TRPC6: variants seen among roughly 807,000 people sequenced by gnomAD.
TRPC6 encodes the protein short transient receptor potential channel 6.
In TRPC6, 55 loss-of-function variants were observed where a neutral mutation model predicts 90.7. The observed-to-expected ratio is 0.61, with a 90% CI of 0.49 to 0.76. TRPC6 has a LOEUF of 0.76. Among genes scored for constraint, TRPC6 ranks in the 30% least tolerant of loss-of-function variants. The pLI is 0.00. For synonymous variants in TRPC6, 393 were observed against 393.0 expected (o/e 1.00, Z 0.00); for missense variants, 989 against 1,122.7 (o/e 0.88, Z 1.70).
chr11:101,521,635 T>C (rs1478279630), intron 1 of TRPC6, among the ~76,000 whole-genome samples: 1 of 152,156 alleles, frequency 6.6e-6, no homozygotes, highest in African/African-American at 2.4e-5. Flanking sequence ...CCATTGACAG[T>C]TTGCACTGTG....
At chr11:101,486,348 C>A (rs906775767) in intron 4 of TRPC6, among the ~76,000 whole-genome samples, 11 of 151,940 alleles carry the variant, frequency 7.2e-5, no homozygotes, top group Non-Finnish European at 1.6e-4. Flanking sequence ...AGGAGGAGAG[C>A]TAGATGAAGA....
intron 10 of TRPC6, among the ~76,000 whole-genome samples, chr11:101,461,093 T>C (rs1165801766): frequency 5.3e-5 from 8 of 152,216 alleles, no homozygotes; most frequent in Admixed American, 2.6e-4. Context: ...TTAAAAATGA[T>C]TGGGACCACA....
Position 101,452,934 on chromosome 11 carries a change from A to G in TRPC6, c.*21T>C. 1 of 1,613,276 alleles carries G rather than the reference A, an allele frequency of 6.2e-7. No individual in the cohort carries two copies. The highest frequency in any genetic ancestry group is 8.5e-7 in the Non-Finnish European group (1 of 1,179,396). On this transcript the variant is annotated 3_prime_UTR_variant, in exon 13 of 13. Coordinates refer to ENST00000344327, the MANE Select transcript of TRPC6 (RefSeq NM_004621.6). Reference sequence around the variant, plus strand: ...GCTTCAAGTGGACAAATAAATATGAATTTCTAAGGAAGTCTTCGCATTATC... The same window carrying G: ...GCTTCAAGTGGACAAATAAATATGAGTTTCTAAGGAAGTCTTCGCATTATC...
intron 10 of TRPC6, among the ~76,000 whole-genome samples, chr11:101,457,213 T>G (rs551522486): frequency 6.6e-6 from 1 of 152,286 alleles, no homozygotes; most frequent in South Asian, 2.1e-4. Context: ...CAAGAAGGAC[T>G]GGATGCAAGC....
chr11:101,480,842 T>C (rs1293178584), intron 5 of TRPC6, among the ~76,000 whole-genome samples: 1 of 152,176 alleles, frequency 6.6e-6, no homozygotes, highest in Admixed American at 6.5e-5. Context: ...GCACAAGTGA[T>C]TGTTTATTCT....
intron 1 of TRPC6, among the ~76,000 whole-genome samples, chr11:101,506,794 TAAAGTTATACATGTGC>T (rs1860278864): frequency 6.6e-6 from 1 of 152,172 alleles, no homozygotes. Context: ...TTAATTTTAG[TAAAGTTATACATGTGC>T]ATATTTTAGT....
At chr11:101,505,528 A>T (rs1289275591) in intron 1 of TRPC6, among the ~76,000 whole-genome samples, 1 of 152,200 alleles carries the variant, frequency 6.6e-6, no homozygotes, top group African/African-American at 2.4e-5. Context: ...TCTCTAGCAG[A>T]GGTATCGGCT....
rs770077725 is a variant in TRPC6 at position 101,504,114 on chromosome 11, G to A, written c.855C>T (p.Tyr285=). 6.2e-7 allele frequency: 1 copy of A among 1,614,082 alleles called. No individual in the cohort carries two copies. The highest frequency in any genetic ancestry group is 1.7e-5 in the Admixed American group (1 of 60,020). The stretch of plus-strand genomic sequence containing the variant: ...CTGGATCTTCACTAGACAATGACAG[G>A]TAAGCCGGACTTGCCAGGCCTTTAT... ...NAYKGLASPA[Y]LSLSSEDPVM... The change falls in exon 2 of 13, where the codon TAC becomes TAT. Residue 285 remains tyrosine, a synonymous_variant. Transcript: ENST00000344327.
At chr11:101,468,794 A>C (rs563422431) in intron 10 of TRPC6, among the ~76,000 whole-genome samples, 116 of 152,180 alleles carry the variant, frequency 7.6e-4, no homozygotes, top group African/African-American at 2.7e-3. Context: ...TTATATTACT[A>C]TGTGTAATTG....
chr11:101,457,021 A>G (rs1180355062), intron 10 of TRPC6, among the ~76,000 whole-genome samples: 1 of 152,122 alleles, frequency 6.6e-6, no homozygotes, highest in Non-Finnish European at 1.5e-5. Context: ...CTAATATATA[A>G]TTGTTTCCAT....
intron 2 of TRPC6, among the ~76,000 whole-genome samples, chr11:101,492,889 G>C (rs1859862252): frequency 6.6e-6 from 1 of 152,166 alleles, no homozygotes; most frequent in African/African-American, 2.4e-5. Context: ...TCTAGACATA[G>C]AGTCTGCAAT....
In TRPC6 at chr11:101,504,666, G is replaced by A; in HGVS notation, c.303C>T (p.Arg101=). The stretch of plus-strand genomic sequence containing the variant: ...TACCATATTCAGCTGCATCCAAAAA[G>A]CGTTCCTCCTCTATAGATAGGCTTG... The part of the protein sequence containing the change: ...RSTSLSIEEE[R]FLDAAEYGNI... The change falls in exon 2 of 13, where the codon CGC becomes CGT. Residue 101 remains arginine, a synonymous_variant. Transcript: ENST00000344327. 1 of 1,604,776 alleles carries A rather than the reference G, an allele frequency of 6.2e-7. No homozygotes were observed. The highest frequency in any genetic ancestry group is 8.5e-7 in the Non-Finnish European group (1 of 1,174,252).
chr11:101,453,610 C>G, intron 12 of TRPC6, 40 bp downstream of exon 12: 1 of 1,587,926 alleles, frequency 6.3e-7, no homozygotes, highest in Non-Finnish European at 8.6e-7. Context: ...CCCGTCCTGA[C>G]TCACATTCAG....
At chr11:101,574,509 G>C (rs1862034168) in intron 1 of TRPC6, among the ~76,000 whole-genome samples, 2 of 151,282 alleles carry the variant, frequency 1.3e-5, no homozygotes, top group Non-Finnish European at 2.9e-5. Flanking sequence ...CTAAAATGGT[G>C]CCTAACATAC....
chr11:101,507,006 A>AACACACACAC (rs10590147), intron 1 of TRPC6, among the ~76,000 whole-genome samples: 62 of 131,168 alleles, frequency 4.7e-4, no homozygotes, highest in African/African-American at 1.5e-3. Flanking sequence ...CTCTCTCTCT[A>AACACACACAC]ACACACACAC....
chr11:101,517,160 A>G, intron 1 of TRPC6, among the ~76,000 whole-genome samples: 1 of 152,188 alleles, frequency 6.6e-6, no homozygotes, highest in Non-Finnish European at 1.5e-5. Context: ...TACTTACAAT[A>G]GTATGTTCAA....
At chr11:101,510,893 C>A (rs181252045) in intron 1 of TRPC6, among the ~76,000 whole-genome samples, 5 of 152,282 alleles carry the variant, frequency 3.3e-5, no homozygotes, top group African/African-American at 7.2e-5. Flanking sequence ...ACAAACTAAG[C>A]TCCATATTAA....
chr11:101,563,562 C>A lies in TRPC6; in HGVS notation c.170+19772G>T, dbSNP rs1016413334. 7.2e-5 allele frequency among the ~76,000 whole-genome samples: 11 copies of A among 151,772 alleles called. No homozygotes were observed. In the East Asian group the frequency reaches 9.7e-4, roughly 13 times the overall value. The stretch of plus-strand genomic sequence containing the variant: ...AGGTAATCTTTTTTTTTATTAATTT[C>A]TTGTTCCTAGTACAATAATTACTGC... On this transcript the variant is annotated intron_variant, in intron 1 of 12. Transcript: ENST00000344327.
intron 2 of TRPC6, among the ~76,000 whole-genome samples, chr11:101,499,482 T>C (rs1379562178): frequency 6.6e-6 from 1 of 150,884 alleles, no homozygotes; most frequent in Admixed American, 6.6e-5. Context: ...CCATAAAACC[T>C]TTAATAATTT....
Sources: gnomAD v4.1 joint callset for allele counts (sites outside exome capture counted in the v4.1 genomes callset) on GRCh38, gnomAD v4.1.1 for gene constraint, MANE v1.5 for transcripts, NCBI Gene and HGNC (gene_info 2026-07-23, HGNC 2026-07-21) for gene names.